Variants in CELF2 observed in about 807,000 individuals in gnomAD.
CELF2 encodes the protein CUGBP Elav-like family member 2.
Under a neutral mutation model 62.6 loss-of-function variants are expected in CELF2, and 8 were observed. That is an observed-to-expected ratio of 0.13 (90% CI 0.07 to 0.23). CELF2 has a LOEUF of 0.23. Among genes scored for constraint, CELF2 ranks in the 10% least tolerant of loss-of-function variants. The pLI is 1.00. For synonymous variants in CELF2, 258 were observed against 250.0 expected (o/e 1.03, Z -0.30); for missense variants, 333 against 671.0 (o/e 0.50, Z 5.56).
intron 1 of CELF2, among the ~76,000 whole-genome samples, chr10:11,087,399 A>T (rs1364325822): frequency 1.3e-5 from 2 of 152,356 alleles, no homozygotes; most frequent in South Asian, 4.1e-4. Flanking sequence ...TTCAAGGGGC[A>T]AAAACCTGTG....
rs1020060493 is a variant in CELF2 at position 11,314,594 on chromosome 10, C to T, written c.1096+336C>T. 1.8e-4 allele frequency: 67 copies of T among 368,994 alleles called. 1 individual carries two copies. Among genetic ancestry groups the T allele is most frequent in the Non-Finnish European group, 1.2e-4 (23 of 190,410 alleles). 22.9% of individuals were successfully genotyped at this position (368,994 alleles called of 1,614,324 possible). On this transcript the variant is annotated intron_variant, in intron 10 of 12. Transcript: ENST00000633077. This position sits in a 1 kb window ranked among gnomAD's most constrained non-coding sequence, Gnocchi z 5.3. ...TTCTGTCCTGCGAGGCAGGGTGTTA[C>T]GGTGGGAAAAGTTAATGGACTGGAA... is the stretch of plus-strand genomic sequence containing the variant.
the CELF2 span, among the ~76,000 whole-genome samples, chr10:10,739,161 G>A: frequency 1.3e-5 from 2 of 151,944 alleles, no homozygotes; most frequent in South Asian, 4.1e-4. Context: ...AATGATATAT[G>A]TTTATATGTA....
chr10:10,713,656 TG>T, the CELF2 span, among the ~76,000 whole-genome samples: 1 of 152,244 alleles, frequency 6.6e-6, no homozygotes, highest in East Asian at 1.9e-4. Context: ...TTCACATTTT[TG>T]ATTACCTCTA....
At chr10:10,785,461 C>G in the CELF2 span, among the ~76,000 whole-genome samples, 1 of 152,098 alleles carries the variant, frequency 6.6e-6, no homozygotes, top group East Asian at 1.9e-4. Context: ...AGCCAAGATA[C>G]GGAGTCAACC....
chr10:10,580,304 T>C, the CELF2 span, among the ~76,000 whole-genome samples: 1 of 152,082 alleles, frequency 6.6e-6, no homozygotes, highest in Non-Finnish European at 1.5e-5. Context: ...TAAGTGCACT[T>C]TGCAAGAGAG....
At chr10:10,818,659 T>C (rs1252807191) in intron 1 of CELF2, among the ~76,000 whole-genome samples, 1 of 151,834 alleles carries the variant, frequency 6.6e-6, no homozygotes, top group Non-Finnish European at 1.5e-5. Flanking sequence ...GTTCAAGTGA[T>C]TCTCATGCCT....
At chr10:10,726,780 A>G in the CELF2 span, among the ~76,000 whole-genome samples, 11 of 152,356 alleles carry the variant, frequency 7.2e-5, no homozygotes, top group South Asian at 2.3e-3. Context: ...TACTATGATT[A>G]CCGCATAGTA....
chr10:10,664,008 A>C, the CELF2 span, among the ~76,000 whole-genome samples: 1 of 152,142 alleles, frequency 6.6e-6, no homozygotes, highest in Non-Finnish European at 1.5e-5. Flanking sequence ...CTCCCAAAAC[A>C]AATTAGTTTA....
chr10:10,812,574 T>C (rs1221329733), intron 1 of CELF2, among the ~76,000 whole-genome samples: 1 of 152,218 alleles, frequency 6.6e-6, no homozygotes. Flanking sequence ...AGGGACTGTC[T>C]GTTCAGCACT....
At chr10:10,764,299 A>G in the CELF2 span, among the ~76,000 whole-genome samples, 2 of 152,258 alleles carry the variant, frequency 1.3e-5, no homozygotes, top group Non-Finnish European at 2.9e-5. Flanking sequence ...ATTGTTTTCA[A>G]AAAAACATAC....
At chr10:10,519,267 G>A in the CELF2 span, among the ~76,000 whole-genome samples, 113 of 152,194 alleles carry the variant, frequency 7.4e-4, no homozygotes, top group Middle Eastern at 3.4e-3. Flanking sequence ...GGCCAGTCTC[G>A]GGAAGTTCCA....
At chr10:11,301,780 C>T (rs1308053370) in intron 9 of CELF2, among the ~76,000 whole-genome samples, 1 of 151,902 alleles carries the variant, frequency 6.6e-6, no homozygotes, top group African/African-American at 2.4e-5. Flanking sequence ...TTCTCTGGCA[C>T]ATAAGCAGAA....
rs1255444101 is a variant in CELF2 at position 11,334,089 on chromosome 10, GGTAA to G, written c.*5039_*5042del. On this transcript the variant is annotated 3_prime_UTR_variant, in exon 13 of 13. Transcript: ENST00000633077. ...TAGAATTTTGTCTTAAAATAACAGC[GGTAA>G]GTTTCACTTTTTATTCTGTATTGTG... 4 of 152,456 alleles carry G rather than the reference GGTAA, an allele frequency of 2.6e-5. No individual in the cohort carries two copies. The highest frequency in any genetic ancestry group is 7.2e-5 in the African/African-American group (3 of 41,400). The allele number at this position is 152,456 out of a possible 1,614,324, so 9.4% of individuals were successfully genotyped here.
intron 1 of CELF2, among the ~76,000 whole-genome samples, chr10:11,009,007 G>C (rs1163505621): frequency 1.7e-3 from 24 of 13,960 alleles, no homozygotes; most frequent in Middle Eastern, 0.056. Flanking sequence ...GGAATTTGCG[G>C]GGGGGGGGGG....
At chr10:11,096,671 C>T (rs569195117) in intron 1 of CELF2, among the ~76,000 whole-genome samples, 4 of 152,150 alleles carry the variant, frequency 2.6e-5, no homozygotes, top group South Asian at 2.1e-4. Flanking sequence ...AGAGTTTGAC[C>T]GAAATGACAA....
intron 5 of CELF2, among the ~76,000 whole-genome samples, chr10:11,263,503 AC>A (rs1169408971): frequency 6.6e-6 from 1 of 152,170 alleles, no homozygotes; most frequent in Non-Finnish European, 1.5e-5. Context: ...GATTGCTGAG[AC>A]CTGACATTCA....
chr10:11,008,470 G>A lies in CELF2; in HGVS notation c.53+3030G>A, dbSNP rs1278435695. 2.0e-5 allele frequency among the ~76,000 whole-genome samples: 3 copies of A among 152,176 alleles called. No individual in the cohort carries two copies. The highest frequency in any genetic ancestry group is 4.4e-5 in the Non-Finnish European group (3 of 68,034). ...TTTGCAAAAATCTCCTTTTGGGGCT[G>A]AAAAACGAAAGTGAGCATTTGATTA... On this transcript the variant is annotated intron_variant, in intron 1 of 12. Transcript: ENST00000416382. This position sits in a 1 kb window ranked among gnomAD's most constrained non-coding sequence, Gnocchi z 4.5.
chr10:10,830,237 G>A (rs913147501), intron 1 of CELF2, among the ~76,000 whole-genome samples: 3 of 144,790 alleles, frequency 2.1e-5, no homozygotes, highest in African/African-American at 7.7e-5. Context: ...ATTTCCAAAC[G>A]GCAATACAAA....
At chr10:11,048,227 AGAGG>A (rs1227108021) in intron 1 of CELF2, among the ~76,000 whole-genome samples, 1 of 152,250 alleles carries the variant, frequency 6.6e-6, no homozygotes, top group Non-Finnish European at 1.5e-5. Flanking sequence ...GTCAAAGGAA[AGAGG>A]GAGAGTTTTA....
Sources: allele counts gnomAD v4.1 joint callset (sites outside exome capture counted in the v4.1 genomes callset), GRCh38; gene constraint gnomAD v4.1.1; non-coding constraint Gnocchi (gnomAD v3.1); transcripts MANE v1.5; gene names NCBI Gene and HGNC (gene_info 2026-07-23, HGNC 2026-07-21).